Variants in MTA3 observed in about 807,000 individuals in gnomAD.
The protein encoded by MTA3 is metastasis associated 1 family member 3.
Under a neutral mutation model 83.5 loss-of-function variants are expected in MTA3, and 34 were observed. The observed-to-expected ratio is 0.41, with a 90% CI of 0.31 to 0.54. The LOEUF (loss-of-function observed/expected upper bound fraction) is 0.54. MTA3 is among the 20% of genes least tolerant of loss of function. The probability of loss-of-function intolerance (pLI) is 0.33; values close to 1 mark genes in which losing one functional copy is unlikely to be tolerated. For missense variants in MTA3, 761 were observed against 726.4 expected, an observed-to-expected ratio of 1.05 and a Z score of -0.55; for synonymous variants, 303 against 252.7, an observed-to-expected ratio of 1.20 and a Z score of -1.89.
At chr2:42,691,774 A>G (rs190708672) in intron 9 of MTA3, among the ~76,000 whole-genome samples, 96 of 152,232 alleles carry the variant, frequency 6.3e-4, no homozygotes, top group African/African-American at 2.2e-3. Context: ...TTTGAAGGAC[A>G]TTTTCACTGG....
rs372997456 is a variant in MTA3 at position 42,711,775 on chromosome 2, A to AGTGTGTGT, written c.1525+2680_1525+2681insTGTGTGTG. Among the ~76,000 whole-genome samples, 567 of 139,458 alleles carry AGTGTGTGT rather than the reference A, an allele frequency of 4.1e-3. 2 individuals carry two copies. Among genetic ancestry groups the AGTGTGTGT allele is most frequent in the Non-Finnish European group, 5.9e-3 (384 of 65,574 alleles). 91.5% of individuals were successfully genotyped at this position (139,458 alleles called of 152,430 possible). Reference sequence around the variant, plus strand: ...GTGATCTACTGGGAGTGTATAGGAGAGAGAGAGAGTGTGTGTGTGTGTGTG... The same window carrying AGTGTGTGT: ...GTGATCTACTGGGAGTGTATAGGAGAGTGTGTGTGAGAGAGAGTGTGTGTGTGTGTGTG... On this transcript the variant is annotated intron_variant, in intron 14 of 16. Coordinates refer to ENST00000405094, the MANE Select transcript of MTA3 (RefSeq NM_001330442.2).
intron 2 of MTA3, among the ~76,000 whole-genome samples, chr2:42,540,365 G>A (rs1419397860): frequency 6.6e-6 from 1 of 151,224 alleles, no homozygotes; most frequent in Non-Finnish European, 1.5e-5. Flanking sequence ...TGTAGAGATG[G>A]GGTCTTCTAT....
intron 4 of MTA3, among the ~76,000 whole-genome samples, chr2:42,622,523 T>G (rs1685684160): frequency 6.6e-6 from 1 of 152,244 alleles, no homozygotes; most frequent in Non-Finnish European, 1.5e-5. Flanking sequence ...TGTTTTTATT[T>G]TAAATTAGTA....
At chr2:42,580,131 G>A (rs1325466135) in intron 3 of MTA3, among the ~76,000 whole-genome samples, 1 of 151,992 alleles carries the variant, frequency 6.6e-6, no homozygotes, top group African/African-American at 2.4e-5. Context: ...GCGTGTTACA[G>A]AGATAGAGTC....
chr2:42,538,101 CGG>C (rs1423588533), intron 2 of MTA3, among the ~76,000 whole-genome samples: 1 of 151,728 alleles, frequency 6.6e-6, no homozygotes, highest in Non-Finnish European at 1.5e-5. Context: ...GGTATGGTGG[CGG>C]GCACCTGTAG....
intron 2 of MTA3, among the ~76,000 whole-genome samples, chr2:42,578,624 T>C (rs893531764): frequency 6.6e-6 from 1 of 152,202 alleles, no homozygotes; most frequent in African/African-American, 2.4e-5. Context: ...GAACATGGGA[T>C]ACTTAGGGGA....
At chr2:42,573,830 C>G (rs1436641007) in intron 2 of MTA3, among the ~76,000 whole-genome samples, 2 of 150,736 alleles carry the variant, frequency 1.3e-5, no homozygotes, top group South Asian at 2.1e-4. Flanking sequence ...TTCTTTCTTT[C>G]TTTTTTGAGA....
intron 8 of MTA3, among the ~76,000 whole-genome samples, chr2:42,679,191 A>G (rs1691648056): frequency 6.6e-6 from 1 of 152,232 alleles, no homozygotes; most frequent in Non-Finnish European, 1.5e-5. Context: ...ATTCTAGGCT[A>G]GAAAAATACT....
chr2:42,566,009 CA>C (rs1194709721), upstream of MTA3, among the ~76,000 whole-genome samples: 3 of 151,740 alleles, frequency 2.0e-5, no homozygotes, highest in South Asian at 2.1e-4. Context: ...AACTCCGTCT[CA>C]AAAAAAATTT....
intron 6 of MTA3, among the ~76,000 whole-genome samples, chr2:42,651,511 T>C (rs1271424211): frequency 6.6e-6 from 1 of 152,148 alleles, no homozygotes; most frequent in African/African-American, 2.4e-5. Context: ...CAATTGGTGC[T>C]GGGCATGGTG....
chr2:42,569,455 C>G (rs1316060341), intron 1 of MTA3: 1 of 152,246 alleles, frequency 6.6e-6, no homozygotes, highest in African/African-American at 2.4e-5. Context: ...AACTTTCTCC[C>G]TACTCACGAC....
chr2:42,499,680 T>G (rs1437564724), intron 2 of MTA3, among the ~76,000 whole-genome samples: 1 of 150,676 alleles, frequency 6.6e-6, no homozygotes, highest in African/African-American at 2.4e-5. Context: ...CCCAGCTACT[T>G]GGGGAGGCTG....
intron 4 of MTA3, among the ~76,000 whole-genome samples, chr2:42,631,745 A>G (rs2104258143): frequency 6.6e-6 from 1 of 152,284 alleles, no homozygotes; most frequent in African/African-American, 2.4e-5. Context: ...GCTGGAGTGC[A>G]GTGATCCAGT....
intron 16 of MTA3, among the ~76,000 whole-genome samples, chr2:42,749,553 C>A (rs1276437544): frequency 6.6e-6 from 1 of 152,054 alleles, no homozygotes; most frequent in Non-Finnish European, 1.5e-5. Context: ...CTGCAACCTC[C>A]GCCTCCTGGG....
In MTA3 at chr2:42,579,089, A is replaced by G. The variant is rs745705900; in HGVS notation, c.97-18A>G. Reference sequence around the variant, plus strand: ...CTAATATTCAGTGCAAATGACTTTTATTTTTCTTATCTCTTAGACTGCAAG... The same window carrying G: ...CTAATATTCAGTGCAAATGACTTTTGTTTTTCTTATCTCTTAGACTGCAAG... On this transcript the variant is annotated intron_variant, in intron 2 of 16. Coordinates refer to ENST00000405094, the MANE Select transcript of MTA3 (RefSeq NM_001330442.2). 23 of 1,553,580 alleles carry G rather than the reference A, an allele frequency of 1.5e-5. No homozygotes were observed. Among genetic ancestry groups the G allele is most frequent in the Admixed American group, 9.7e-5 (5 of 51,314 alleles).
At position 42,614,740 on chromosome 2, in the gene MTA3, C is replaced by T. The variant is rs1297628894; in HGVS notation, c.317+5156C>T. Among the ~76,000 whole-genome samples the T allele has an allele frequency of 2.6e-5, 4 of 151,614 alleles. No individual in the cohort carries two copies. The East Asian group carries it at 5.8e-4, about 22-fold the overall frequency. ...CTGTAATCCTAGGACTTTGAGAGGC[C>T]GGGGTGGGAGGATTACATGAACCTT... is the stretch of plus-strand genomic sequence containing the variant. On this transcript the variant is annotated intron_variant, in intron 4 of 16. Transcript: ENST00000405094.
chr2:42,720,178 T>TATTG (rs936916456), intron 15 of MTA3, among the ~76,000 whole-genome samples: 23 of 151,004 alleles, frequency 1.5e-4, no homozygotes, highest in African/African-American at 5.4e-4. Flanking sequence ...TTTATTTATT[T>TATTG]ATTTTATTTA....
chr2:42,513,613 G>A (rs1055853888), intron 2 of MTA3, among the ~76,000 whole-genome samples: 17 of 152,268 alleles, frequency 1.1e-4, no homozygotes, highest in Admixed American at 1.0e-3. Flanking sequence ...GTAGTATTTG[G>A]CCAGCCACAT....
chr2:42,739,366 C>T (rs967128312), intron 16 of MTA3, among the ~76,000 whole-genome samples: 1 of 151,516 alleles, frequency 6.6e-6, no homozygotes, highest in Non-Finnish European at 1.5e-5. Context: ...TTACACTATA[C>T]TGTAGTCTAT....
Sources: gnomAD v4.1 joint callset for allele counts (sites outside exome capture counted in the v4.1 genomes callset) on GRCh38, gnomAD v4.1.1 for gene constraint, MANE v1.5 for transcripts, NCBI Gene and HGNC (gene_info 2026-07-23, HGNC 2026-07-21) for gene names.